Variants in TUT7 observed in about 807,000 individuals in gnomAD.
TUT7 encodes terminal uridylyl transferase 7, also known as terminal uridylyltransferase 7.
TUT7 carries 33 observed loss-of-function variants against 165.9 expected under a neutral mutation model. That is an observed-to-expected ratio of 0.20 (90% confidence interval 0.15 to 0.27). The LOEUF is 0.27. TUT7 is among the 10% of genes least tolerant of loss of function. The pLI is 1.00. For synonymous variants in TUT7, 552 were observed against 608.1 expected, an observed-to-expected ratio of 0.91 and a Z score of 1.36; for missense variants, 1,338 against 1,762.3, an observed-to-expected ratio of 0.76 and a Z score of 4.31.
intron 17 of TUT7, among the ~76,000 whole-genome samples, chr9:86,314,978 A>G (rs1484939775): frequency 6.6e-6 from 1 of 151,806 alleles, no homozygotes; most frequent in Non-Finnish European, 1.5e-5. Flanking sequence ...TCTTCCATCA[A>G]CCTCCCCTGT....
intron 10 of TUT7, among the ~76,000 whole-genome samples, chr9:86,335,778 C>T (rs1303816011): frequency 1.3e-5 from 2 of 152,138 alleles, no homozygotes; most frequent in Admixed American, 6.5e-5. Flanking sequence ...GTTTAAAATG[C>T]TGAACACCGC....
chr9:86,305,251 A>G lies in TUT7; in HGVS notation c.3839-12T>C. On this transcript the variant is annotated splice_polypyrimidine_tract_variant and intron_variant, in intron 22 of 26. Transcript: ENST00000375963. The stretch of plus-strand genomic sequence containing the variant: ...CAAATCAAAGGGATCTAAGCAAAAA[A>G]ATTTAAGAGCAAATAAGGTAATCAA... 2.5e-6 allele frequency: 4 copies of G among 1,577,880 alleles called. No individual in the cohort carries two copies. The highest frequency in any genetic ancestry group is 3.4e-6 in the Non-Finnish European group (4 of 1,163,478).
At chr9:86,310,495 C>A (rs1363679686) in intron 18 of TUT7, among the ~76,000 whole-genome samples, 1 of 152,134 alleles carries the variant, frequency 6.6e-6, no homozygotes, top group African/African-American at 2.4e-5. Flanking sequence ...CCTAAAGGGT[C>A]AGAGAGGTCC....
In TUT7 at chr9:86,353,009, G is replaced by A. The variant is rs1832431783; in HGVS notation, c.191C>T (p.Thr64Ile). Residue 64 changes from threonine (T) to isoleucine (I), a missense_variant, in exon 2 of 27, where the codon ACC (threonine) becomes ATC (isoleucine). Thr to Ile is a moderately conservative substitution (Grantham distance 89). Coordinates refer to ENST00000375963, the MANE Select transcript of TUT7 (RefSeq NM_024617.4). ...KKITPGNYGN[T>I]PRKGPCAVSS... Reference sequence around the variant, plus strand: ...AACAGCACATGGTCCTTTTCTGGGGGTATTCCCATAGTTCCCTGGTGTTAT... The same window carrying A: ...AACAGCACATGGTCCTTTTCTGGGGATATTCCCATAGTTCCCTGGTGTTAT... The A allele has an allele frequency of 1.2e-6, 2 of 1,614,168 alleles. No individual in the cohort carries two copies. The highest frequency in any genetic ancestry group is 1.7e-6 in the Non-Finnish European group (2 of 1,180,036).
rs12552003 is a variant in TUT7 at position 86,311,721 on chromosome 9, C to A, written c.3275-912G>T. Among the ~76,000 whole-genome samples the A allele has an allele frequency of 0.014, 2,087 of 152,274 alleles. 22 individuals are homozygous for A. Among genetic ancestry groups the A allele is most frequent in the Non-Finnish European group, 0.02 (1,344 of 68,012 alleles). Reference sequence around the variant, plus strand: ...TCTCGGCTCACTGCAACCTCCCTGCCTGATTCTCCTGCCTCAGCCTGCCGA... The same window carrying A: ...TCTCGGCTCACTGCAACCTCCCTGCATGATTCTCCTGCCTCAGCCTGCCGA... On this transcript the variant is annotated intron_variant, in intron 17 of 26. Transcript: ENST00000375963. This position sits in a 1 kb window ranked among gnomAD's most constrained non-coding sequence, Gnocchi z 4.4.
intron 26 of TUT7, among the ~76,000 whole-genome samples, chr9:86,293,715 T>C (rs1826064601): frequency 6.6e-6 from 1 of 152,168 alleles, no homozygotes; most frequent in Non-Finnish European, 1.5e-5. Context: ...ACTAGACAAA[T>C]ATGCGACTAT....
intron 2 of TUT7, among the ~76,000 whole-genome samples, chr9:86,351,633 C>G (rs1235026614): frequency 6.6e-6 from 1 of 152,146 alleles, no homozygotes; most frequent in Non-Finnish European, 1.5e-5. Flanking sequence ...GACACAAATT[C>G]AAACACCTTA....
At chr9:86,342,702 C>G (rs1831420262) in intron 6 of TUT7, among the ~76,000 whole-genome samples, 1 of 152,114 alleles carries the variant, frequency 6.6e-6, no homozygotes, top group Non-Finnish European at 1.5e-5. Context: ...AGAGGAAACT[C>G]CAGAGACAAT....
chr9:86,303,494 A>G (rs966201595), intron 24 of TUT7, among the ~76,000 whole-genome samples: 2 of 152,200 alleles, frequency 1.3e-5, no homozygotes, highest in African/African-American at 4.8e-5. Context: ...TCAGCTTTTC[A>G]GGATGTGGGA....
chr9:86,309,251 A>T lies in TUT7; in HGVS notation c.3621T>A (p.Asp1207Glu). ...KGEKKPEIFV[D>E]GWNIYFFDQI... ...GATCAAAAAAATAAATATTCCAGCC[A>T]TCAACAAATATTTCAGGTTTCTTTT... The change falls in exon 21 of 27, where the codon GAT becomes GAA. Residue 1207 changes from aspartate to glutamate, a missense_variant. By Grantham distance (45) the Asp-to-Glu change is conservative. This residue lies in a region of TUT7 where 157 missense variants were observed against 357.5 expected (regional missense o/e 0.44). Transcript: ENST00000375963. 6.4e-7 allele frequency: 1 copy of T among 1,572,796 alleles called. No homozygotes were observed. Among genetic ancestry groups the T allele is most frequent in the East Asian group, 2.2e-5 (1 of 44,534 alleles).
intron 11 of TUT7, among the ~76,000 whole-genome samples, 170 bp downstream of exon 11, chr9:86,328,169 TA>T (rs1243399332): frequency 1.1e-4 from 17 of 152,324 alleles, no homozygotes; most frequent in East Asian, 3.9e-4. Flanking sequence ...AGTGATCTAA[TA>T]TTTTTTTTAA....
rs12683994 is a variant in TUT7 at position 86,339,254 on chromosome 9, T to C, written c.1209-305A>G. On this transcript the variant is annotated intron_variant, in intron 8 of 26. Transcript: ENST00000375963. The stretch of plus-strand genomic sequence containing the variant: ...ATTATCAAATGTTTCGGGCCAGGCA[T>C]GGTGGCTCACGCCTGTAATCCCAGC... Among the ~76,000 whole-genome samples, 256 of 152,262 alleles carry C rather than the reference T, an allele frequency of 1.7e-3. 9 individuals are homozygous for C. In the East Asian group the frequency reaches 0.046, roughly 27 times the overall value.
chr9:86,345,894 A>G lies in TUT7; in HGVS notation c.703-109T>C, dbSNP rs112256205. On this transcript the variant is annotated intron_variant, in intron 3 of 26. Transcript: ENST00000375963. ...CCCCTTCAATTTCTTTTCTCTAAAG[A>G]GACAGGAGTCTCACTATGTTGCCCT... The G allele has an allele frequency of 3.6e-4, 295 of 812,672 alleles. No individual in the cohort carries two copies. In the African/African-American group the frequency reaches 4.4e-3, roughly 12 times the overall value. The allele number at this position is 812,672 out of a possible 1,614,324, so 50.3% of individuals were successfully genotyped here. A position where few individuals can be genotyped will look rare whatever the true frequency, so the allele number is the denominator to read the frequency against.
chr9:86,301,038 A>T lies in TUT7; in HGVS notation c.4420+238T>A, dbSNP rs539694972. 5.3e-5 allele frequency among the ~76,000 whole-genome samples: 8 copies of T among 152,378 alleles called. No homozygotes were observed. In the East Asian group the frequency reaches 1.5e-3, roughly 29 times the overall value. ...ATGATTACACTTTCACCTCACTGAT[A>T]ATCTTAGAAAAGTTCACCAAATGAC... On this transcript the variant is annotated intron_variant, in intron 26 of 26. Coordinates refer to ENST00000375963, the MANE Select transcript of TUT7 (RefSeq NM_024617.4).
chr9:86,312,421 C>A (rs1249903307), intron 17 of TUT7, among the ~76,000 whole-genome samples: 3 of 151,962 alleles, frequency 2.0e-5, no homozygotes, highest in Non-Finnish European at 4.4e-5. Flanking sequence ...CCCCTCCGCC[C>A]GGCAGCCACC....
chr9:86,341,491 C>G (rs1484612451), intron 6 of TUT7, among the ~76,000 whole-genome samples: 1 of 152,174 alleles, frequency 6.6e-6, no homozygotes, highest in Non-Finnish European at 1.5e-5. Context: ...TGTATCCTTA[C>G]AACTCTCAAT....
chr9:86,317,763 T>C (rs1031767033), intron 16 of TUT7, among the ~76,000 whole-genome samples: 3 of 152,212 alleles, frequency 2.0e-5, no homozygotes, highest in Non-Finnish European at 2.9e-5. Flanking sequence ...TTATAATGCA[T>C]ATAACTAAAG....
chr9:86,311,335 G>A lies in TUT7; in HGVS notation c.3275-526C>T, dbSNP rs1828027479. Among the ~76,000 whole-genome samples, 2 of 152,144 alleles carry A rather than the reference G, an allele frequency of 1.3e-5. No individual in the cohort carries two copies. The highest frequency in any genetic ancestry group is 4.8e-5 in the African/African-American group (2 of 41,424). ...TGAGCTAAGCTTTGAAAAAGAGGGA[G>A]AAAAACCAGCAAAAATAGTGGCAGT... On this transcript the variant is annotated intron_variant, in intron 17 of 26. Transcript: ENST00000375963. This position sits in a 1 kb window ranked among gnomAD's most constrained non-coding sequence, Gnocchi z 4.4.
At chr9:86,305,760 C>CACAGAT (rs1827402649) in intron 22 of TUT7, among the ~76,000 whole-genome samples, 1 of 152,134 alleles carries the variant, frequency 6.6e-6, no homozygotes. Flanking sequence ...TTATAAAACA[C>CACAGAT]ACAGATATAT....
Sources: gnomAD v4.1 joint callset for allele counts (sites outside exome capture counted in the v4.1 genomes callset) on GRCh38, gnomAD v4.1.1 for gene constraint, gnomAD v4.1.1 regional missense constraint, Gnocchi (gnomAD v3.1) non-coding constraint, MANE v1.5 for transcripts, NCBI Gene and HGNC (gene_info 2026-07-23, HGNC 2026-07-21) for gene names.